The following RALGAPA1 variants were observed in gnomAD, a reference collection of about 807,000 sequenced individuals.
The protein encoded by RALGAPA1 is Ral GTPase activating protein catalytic subunit alpha 1.
Under a neutral mutation model 269.6 loss-of-function variants are expected in RALGAPA1, and 52 were observed. The observed-to-expected ratio is 0.19, with a 90% CI of 0.15 to 0.24. RALGAPA1 has a LOEUF of 0.24. Among genes scored for constraint, RALGAPA1 ranks in the 10% least tolerant of loss-of-function variants. The pLI, the probability that RALGAPA1 is intolerant of heterozygous loss-of-function variation, is 1.00. For missense variants in RALGAPA1, 1,917 were observed against 3,013.9 expected, an observed-to-expected ratio of 0.64 and a Z score of 8.52; for synonymous variants, 817 against 1,008.3, an observed-to-expected ratio of 0.81 and a Z score of 3.60.
rs528167038 is a variant in RALGAPA1 at position 35,571,703 on chromosome 14, AACC to A, written c.7368+854_7368+856del. 8.2e-4 allele frequency among the ~76,000 whole-genome samples: 124 copies of A among 151,484 alleles called. 1 individual carries two copies. Among genetic ancestry groups the A allele is most frequent in the South Asian group, 5.0e-3 (24 of 4,786 alleles). On this transcript the variant is annotated intron_variant, in intron 38 of 41. Coordinates refer to ENST00000680220, the MANE Select transcript of RALGAPA1 (RefSeq NM_001346249.2). ...TCAAAAAAACCAAAAACCAAAACAA[AACC>A]ACCACCACCACCACCACCACCAACA... is the stretch of plus-strand genomic sequence containing the variant.
intron 10 of RALGAPA1, among the ~76,000 whole-genome samples, chr14:35,747,910 A>G (rs1476893132): frequency 1.3e-5 from 2 of 148,792 alleles, no homozygotes; most frequent in Non-Finnish European, 3.0e-5. Context: ...TTTTTTTTCT[A>G]TACTTTCCTT....
chr14:35,808,873 G>A lies in RALGAPA1; in HGVS notation c.-38C>T. 1 of 1,590,070 alleles carries A rather than the reference G, an allele frequency of 6.3e-7. No individual in the cohort carries two copies. The highest frequency in any genetic ancestry group is 8.6e-7 in the Non-Finnish European group (1 of 1,168,918). ...ACTGCCACTGCCACTGCCACAGCCG[G>A]CTCCCAGCCGGGTCCCGGCGGCAGA... is the stretch of plus-strand genomic sequence containing the variant. On this transcript the variant is annotated 5_prime_UTR_variant, in exon 1 of 42. Coordinates refer to ENST00000680220, the MANE Select transcript of RALGAPA1 (RefSeq NM_001346249.2).
At chr14:35,738,676 T>G in intron 11 of RALGAPA1, 26 bp from the exon 12 acceptor site, 3 of 1,587,776 alleles carry the variant, frequency 1.9e-6, no homozygotes, top group Non-Finnish European at 2.6e-6. Flanking sequence ...AAGTTTTTAA[T>G]ATTTCATTAC....
intron 4 of RALGAPA1, among the ~76,000 whole-genome samples, chr14:35,763,771 G>A (rs908411652): frequency 1.0e-4 from 15 of 145,358 alleles, no homozygotes; most frequent in Admixed American, 4.0e-4. Context: ...GTTTCCCCGG[G>A]GTGTGTATAT....
At chr14:35,590,343 AAAC>A (rs2138908274) in intron 37 of RALGAPA1, among the ~76,000 whole-genome samples, 1 of 152,310 alleles carries the variant, frequency 6.6e-6, no homozygotes, top group South Asian at 2.1e-4. Context: ...TCTAAAATGT[AAAC>A]AAAAGGCATA....
chr14:35,679,073 G>A (rs971411243), intron 21 of RALGAPA1, among the ~76,000 whole-genome samples: 1 of 152,164 alleles, frequency 6.6e-6, no homozygotes, highest in Non-Finnish European at 1.5e-5. Flanking sequence ...TAGTGCCTGG[G>A]TATAGTACCT....
chr14:35,553,418 A>G (rs2055215433), intron 39 of RALGAPA1, among the ~76,000 whole-genome samples: 2 of 152,174 alleles, frequency 1.3e-5, no homozygotes, highest in Non-Finnish European at 2.9e-5. Context: ...AAGTATTTCA[A>G]CTTTATTAAC....
intron 16 of RALGAPA1, among the ~76,000 whole-genome samples, chr14:35,710,406 C>T (rs2068214042): frequency 6.6e-6 from 1 of 152,158 alleles, no homozygotes; most frequent in African/African-American, 2.4e-5. Context: ...CGGGCATGTG[C>T]CAACAAGCCC....
chr14:35,693,847 T>C (rs2140502251), intron 17 of RALGAPA1, among the ~76,000 whole-genome samples: 1 of 152,118 alleles, frequency 6.6e-6, no homozygotes, highest in South Asian at 2.1e-4. Flanking sequence ...ATTTCTAGAT[T>C]AAAAAACCGG....
At chr14:35,597,421 TC>T in intron 36 of RALGAPA1, among the ~76,000 whole-genome samples, 1 of 152,190 alleles carries the variant, frequency 6.6e-6, no homozygotes, top group Non-Finnish European at 1.5e-5. Context: ...TCAAGTCAAT[TC>T]TCTGATAATG....
intron 21 of RALGAPA1, among the ~76,000 whole-genome samples, chr14:35,682,553 G>A (rs966738806): frequency 1.6e-4 from 24 of 152,010 alleles, no homozygotes; most frequent in African/African-American, 5.1e-4. Flanking sequence ...TGATCTGCCC[G>A]CCTCGGCTCC....
At chr14:35,757,001 G>A in intron 6 of RALGAPA1, 93 bp from the exon 7 acceptor site, 1 of 1,132,722 alleles carries the variant, frequency 8.8e-7, no homozygotes, top group Non-Finnish European at 1.1e-6. Flanking sequence ...AAATGAGTAT[G>A]CAATGAAAAT....
Position 35,715,856 on chromosome 14 carries a change from T to C in RALGAPA1, c.2266+5832A>G, listed in dbSNP as rs574876990. 2.9e-4 allele frequency: 282 copies of C among 985,446 alleles called. 6 individuals are homozygous for C. The South Asian group carries it at 0.01, about 36-fold the overall frequency. The allele number at this position is 985,446 out of a possible 1,614,324, so 61.0% of individuals were successfully genotyped here. Reference sequence around the variant, plus strand: ...CTTCAAGATCATCCCACTTTTCCAGTGTGCTTACTGCTCATCACTCCATTT... The same window carrying C: ...CTTCAAGATCATCCCACTTTTCCAGCGTGCTTACTGCTCATCACTCCATTT... On this transcript the variant is annotated intron_variant, in intron 16 of 41. Coordinates refer to ENST00000680220, the MANE Select transcript of RALGAPA1 (RefSeq NM_001346249.2).
intron 12 of RALGAPA1, 68 bp from the exon 13 acceptor site, chr14:35,728,578 A>C: frequency 3.4e-6 from 5 of 1,484,914 alleles, no homozygotes; most frequent in Non-Finnish European, 4.5e-6. Flanking sequence ...TTCAAAGAGA[A>C]ACAGACACTG....
At chr14:35,745,422 G>GACACACACACAC (rs71445957) in intron 10 of RALGAPA1, among the ~76,000 whole-genome samples, 33 of 146,788 alleles carry the variant, frequency 2.2e-4, no homozygotes, top group East Asian at 8.1e-4. Context: ...CACACAGACA[G>GACACACACACAC]ACACACACAC....
chr14:35,596,040 C>T (rs2058914324), intron 36 of RALGAPA1, among the ~76,000 whole-genome samples: 1 of 151,934 alleles, frequency 6.6e-6, no homozygotes, highest in South Asian at 2.1e-4. Flanking sequence ...CTTTTGTTAG[C>T]CTACTAGGTG....
chr14:35,720,435 G>C (rs577448806), intron 16 of RALGAPA1, among the ~76,000 whole-genome samples: 1 of 152,032 alleles, frequency 6.6e-6, no homozygotes, highest in South Asian at 2.1e-4. Context: ...TATACAAGAT[G>C]TATCCTTACA....
chr14:35,681,963 T>C (rs1016925462), intron 21 of RALGAPA1, among the ~76,000 whole-genome samples: 2 of 152,220 alleles, frequency 1.3e-5, no homozygotes, highest in Non-Finnish European at 2.9e-5. Context: ...ACTTATGTTT[T>C]TGCATATATT....
At chr14:35,636,978 T>A (rs1425518156) in intron 31 of RALGAPA1, among the ~76,000 whole-genome samples, 3 of 151,846 alleles carry the variant, frequency 2.0e-5, no homozygotes, top group Non-Finnish European at 2.9e-5. Context: ...TCTAAAACCA[T>A]GCCAGAAAGA....
Sources: allele counts gnomAD v4.1 joint callset (sites outside exome capture counted in the v4.1 genomes callset), GRCh38; gene constraint gnomAD v4.1.1; transcripts MANE v1.5; gene names NCBI Gene and HGNC (gene_info 2026-07-23, HGNC 2026-07-21).